ABCB5: variants seen among roughly 807,000 people sequenced by gnomAD.
ABCB5 encodes the protein ATP-binding cassette sub-family B member 5.
Under a neutral mutation model 144.2 loss-of-function variants are expected in ABCB5, and 155 were observed. The ratio of observed to expected loss-of-function variants is 1.08; its 90% CI spans 0.94 to 1.23. ABCB5 has a LOEUF of 1.23. Ranked by LOEUF, ABCB5 falls within the 50% of genes most tolerant of loss-of-function variation. ABCB5 has a pLI of 0.00. For synonymous variants in ABCB5, 610 were observed against 528.6 expected (o/e 1.15, Z -2.11); for missense variants, 1,830 against 1,520.8 (o/e 1.20, Z -3.38).
chr7:20,684,400 G>C (rs998962173), intron 15 of ABCB5, among the ~76,000 whole-genome samples: 1 of 152,142 alleles, frequency 6.6e-6, no homozygotes, highest in Non-Finnish European at 1.5e-5. Context: ...ATTATGAAGA[G>C]AGGTCAAAGT....
intron 1 of ABCB5, among the ~76,000 whole-genome samples, chr7:20,618,429 T>C (rs930745507): frequency 2.0e-5 from 3 of 152,220 alleles, no homozygotes; most frequent in Admixed American, 6.5e-5. Context: ...ATTTTAGATT[T>C]AGAGCTTACC....
intron 2 of ABCB5, among the ~76,000 whole-genome samples, chr7:20,624,802 A>G (rs1419357043): frequency 1.3e-5 from 2 of 152,238 alleles, no homozygotes; most frequent in Non-Finnish European, 2.9e-5. Context: ...CGCTAGGACT[A>G]GGAGCTAGTG....
At chr7:20,673,303 T>A (rs1048683829) in intron 14 of ABCB5, among the ~76,000 whole-genome samples, 2 of 152,074 alleles carry the variant, frequency 1.3e-5, no homozygotes, top group Non-Finnish European at 2.9e-5. Context: ...ATACTATTAT[T>A]CATCTCTTCC....
chr7:20,728,279 C>G (rs746630282), intron 22 of ABCB5, 36 bp from the exon 23 acceptor site: 7 of 1,605,972 alleles, frequency 4.4e-6, no homozygotes, highest in African/African-American at 1.3e-5. Context: ...TGCTATAATT[C>G]ATGCCTCATT....
At chr7:20,722,271 A>C (rs1290698631) in intron 20 of ABCB5, among the ~76,000 whole-genome samples, 1 of 152,182 alleles carries the variant, frequency 6.6e-6, no homozygotes, top group African/African-American at 2.4e-5. Context: ...TTTGGGTGTA[A>C]AGAAACAAGA....
chr7:20,682,161 C>T (rs1369902113), intron 15 of ABCB5, among the ~76,000 whole-genome samples: 1 of 151,986 alleles, frequency 6.6e-6, no homozygotes, highest in African/African-American at 2.4e-5. Flanking sequence ...GCCCAGATTG[C>T]GCCACTGCAC....
chr7:20,683,374 C>T (rs1785888215), intron 15 of ABCB5, among the ~76,000 whole-genome samples: 1 of 151,926 alleles, frequency 6.6e-6, no homozygotes, highest in Non-Finnish European at 1.5e-5. Context: ...CACAGTAGAC[C>T]TAATAATTTA....
At position 20,743,130 on chromosome 7, in the gene ABCB5, A is replaced by T. The variant is rs1011821996; in HGVS notation, c.3222+56A>T. ...GGGGTTAGCAGTCCTATTCTTAAAC[A>T]TTCACTAGGGCTTAAGCATCCCCAC... is the stretch of plus-strand genomic sequence containing the variant. On this transcript the variant is annotated intron_variant, in intron 25 of 27. Transcript: ENST00000404938. The T allele has an allele frequency of 7.0e-6, 11 of 1,565,874 alleles. No individual in the cohort carries two copies. In the East Asian group the frequency reaches 1.8e-4, roughly 26 times the overall value.
At chr7:20,642,909 T>C (rs1335958486) in intron 5 of ABCB5, among the ~76,000 whole-genome samples, 2 of 152,188 alleles carry the variant, frequency 1.3e-5, no homozygotes, top group Non-Finnish European at 2.9e-5. Context: ...AACTTTTTCA[T>C]ATGAAAGTAT....
At chr7:20,683,690 T>C (rs1215197756) in intron 15 of ABCB5, among the ~76,000 whole-genome samples, 1 of 152,202 alleles carries the variant, frequency 6.6e-6, no homozygotes, top group Admixed American at 6.5e-5. Flanking sequence ...CCCAATCAGA[T>C]ATAACAACAC....
In ABCB5 at chr7:20,712,830, A is replaced by G. The variant is rs937817030; in HGVS notation, c.2421+8023A>G. Among the ~76,000 whole-genome samples the G allele has an allele frequency of 1.7e-4, 26 of 149,866 alleles. 1 individual carries two copies. Among genetic ancestry groups the G allele is most frequent in the African/African-American group, 6.4e-4 (26 of 40,536 alleles). On this transcript the variant is annotated intron_variant, in intron 20 of 27. Coordinates refer to ENST00000404938, the MANE Select transcript of ABCB5 (RefSeq NM_001163941.2). ...AGGGTATAAAAATGATGTTTTATAT[A>G]TGTAGTCATTATGAAATGGATAAAT...
At chr7:20,665,810 G>T (rs936297861) in intron 14 of ABCB5, among the ~76,000 whole-genome samples, 4 of 119,678 alleles carry the variant, frequency 3.3e-5, no homozygotes, top group Admixed American at 8.5e-5. Flanking sequence ...CATACATACA[G>T]ATATAGATAT....
intron 14 of ABCB5, chr7:20,667,697 CCCT>C (rs1785246238): frequency 1.5e-5 from 2 of 133,542 alleles, no homozygotes; most frequent in Admixed American, 7.2e-5. Flanking sequence ...CTGCCCCTGC[CCCT>C]GCCCCTGCCC....
intron 14 of ABCB5, among the ~76,000 whole-genome samples, chr7:20,677,369 T>C (rs189562283): frequency 4.5e-4 from 68 of 152,316 alleles, no homozygotes; most frequent in Admixed American, 1.4e-3. Context: ...ATAATAATTA[T>C]AGTCTGATTT....
At chr7:20,681,702 G>T in intron 15 of ABCB5, 36 bp downstream of exon 15, 1 of 1,596,424 alleles carries the variant, frequency 6.3e-7, no homozygotes, top group Non-Finnish European at 8.6e-7. Flanking sequence ...TGTCAGCAGG[G>T]TTTAACGTTT....
chr7:20,618,309 C>T (rs562579218), intron 1 of ABCB5, among the ~76,000 whole-genome samples: 14 of 152,178 alleles, frequency 9.2e-5, no homozygotes, highest in African/African-American at 3.4e-4. Context: ...TGTTGTCTTT[C>T]GTGATTGGGT....
At chr7:20,669,051 G>C (rs1785354793) in intron 14 of ABCB5, among the ~76,000 whole-genome samples, 2 of 138,768 alleles carry the variant, frequency 1.4e-5, no homozygotes, top group Non-Finnish European at 3.1e-5. Context: ...GCCCCTACTG[G>C]GAAGTGAGGA....
At chr7:20,658,968 T>G in intron 14 of ABCB5, 2 of 1,358,446 alleles carry the variant, frequency 1.5e-6, no homozygotes, top group Non-Finnish European at 2.1e-6. Flanking sequence ...CTCCCTAGAG[T>G]GGCCCACCAC....
At chr7:20,625,978 A>G (rs924638228) in intron 2 of ABCB5, among the ~76,000 whole-genome samples, 1 of 152,238 alleles carries the variant, frequency 6.6e-6, no homozygotes, top group Non-Finnish European at 1.5e-5. Flanking sequence ...AACACCTACT[A>G]CAATGTGGAT....
Sources: allele counts gnomAD v4.1 joint callset (sites outside exome capture counted in the v4.1 genomes callset), GRCh38; gene constraint gnomAD v4.1.1; transcripts MANE v1.5; gene names NCBI Gene and HGNC (gene_info 2026-07-23, HGNC 2026-07-21).